Variants in CFAP97D1 observed in about 807,000 individuals in gnomAD.
The protein encoded by CFAP97D1 is CFAP97 domain containing 1, also known as sperm axonemal maintenance protein CFAP97D1.
Under a neutral mutation model 20.5 loss-of-function variants are expected in CFAP97D1, and 15 were observed. The observed-to-expected ratio is 0.73, with a 90% CI of 0.49 to 1.13. CFAP97D1 has a LOEUF of 1.13. CFAP97D1 is among the 50% of genes most tolerant of loss of function. CFAP97D1 has a pLI of 0.00. For synonymous variants in CFAP97D1, 58 were observed against 71.2 expected (o/e 0.82, Z 0.93); for missense variants, 168 against 202.9 (o/e 0.83, Z 1.04).
At chr17:43,784,283 C>T (rs2044276363) in intron 5 of CFAP97D1, 100 bp from the exon 6 acceptor site, 1 of 166,040 alleles carries the variant, frequency 6.0e-6, no homozygotes, top group Non-Finnish European at 1.3e-5. Flanking sequence ...TAAGTGGTTT[C>T]CCCCACCCAA....
chr17:43,783,261 C>T lies in CFAP97D1; in HGVS notation c.396C>T (p.Arg132=). The T allele has an allele frequency of 6.4e-7, 1 of 1,551,372 alleles. No homozygotes were observed. The highest frequency in any genetic ancestry group is 8.7e-7 in the Non-Finnish European group (1 of 1,146,838). ...GCATTCTGAAGAGGCTTGTTGATCGCAAACCCCACTATGACCGCAGGGCAT... is the reference window on the plus strand; with the variant it reads ...GCATTCTGAAGAGGCTTGTTGATCGTAAACCCCACTATGACCGCAGGGCAT... The part of the protein sequence containing the change: ...NQGILKRLVD[R]KPHYDRRASE... The change falls in exon 4 of 6, where the codon CGC becomes CGT. Residue 132 remains arginine, a synonymous_variant. Coordinates refer to ENST00000449302, the MANE Select transcript of CFAP97D1 (RefSeq NM_001136483.3).
rs1041610629 is a variant in CFAP97D1 at position 43,785,943 on chromosome 17, G to C, written c.*1561G>C. The C allele has an allele frequency of 1.3e-5, 2 of 152,134 alleles. No homozygotes were observed. The highest frequency in any genetic ancestry group is 4.8e-5 in the African/African-American group (2 of 41,380). The allele number at this position is 152,134 out of a possible 1,614,324, so 9.4% of individuals were successfully genotyped here. ...CAAGGCCTGCCTCCCACCTCACTGG[G>C]ATGCTGGTAGCATGGCTTGGTCCAA... is the stretch of plus-strand genomic sequence containing the variant. On this transcript the variant is annotated 3_prime_UTR_variant, in exon 6 of 6. Coordinates refer to ENST00000449302, the MANE Select transcript of CFAP97D1 (RefSeq NM_001136483.3).
chr17:43,784,097 G>C (rs538394349), intron 5 of CFAP97D1, among the ~76,000 whole-genome samples: 1 of 152,242 alleles, frequency 6.6e-6, no homozygotes, highest in South Asian at 2.1e-4. Flanking sequence ...ATTGTCTTTT[G>C]TCATCATCTT....
chr17:43,783,135 T>A, intron 3 of CFAP97D1, 45 bp from the exon 4 acceptor site: 2 of 1,551,150 alleles, frequency 1.3e-6, no homozygotes, highest in Non-Finnish European at 1.7e-6. Flanking sequence ...CTCGTCAAGA[T>A]GAGCATTTCC....
intron 3 of CFAP97D1, 107 bp from the exon 4 acceptor site, chr17:43,783,072 TC>T (rs1359313245): frequency 3.2e-5 from 44 of 1,387,886 alleles, no homozygotes; most frequent in Non-Finnish European, 4.1e-5. Flanking sequence ...GACAGTTTAC[TC>T]CCTGCACTTA....
Position 43,787,033 on chromosome 17 carries a change from C to G in CFAP97D1, c.*2651C>G, listed in dbSNP as rs2044297303. The G allele has an allele frequency of 6.6e-6, 1 of 152,076 alleles. No individual in the cohort carries two copies. Among genetic ancestry groups the G allele is most frequent in the Non-Finnish European group, 1.5e-5 (1 of 68,026 alleles). 9.4% of individuals were successfully genotyped at this position (152,076 alleles called of 1,614,324 possible). On this transcript the variant is annotated 3_prime_UTR_variant, in exon 6 of 6. Coordinates refer to ENST00000449302, the MANE Select transcript of CFAP97D1 (RefSeq NM_001136483.3). ...CCAGGCTGGAGTGCAGTGGCACGAT[C>G]TTGGCTCACTGCAACCTCCACCTCT... is the stretch of plus-strand genomic sequence containing the variant.
At chr17:43,781,051 T>C in intron 1 of CFAP97D1, 68 bp from the exon 2 acceptor site, 1 of 1,205,960 alleles carries the variant, frequency 8.3e-7, no homozygotes, top group Non-Finnish European at 1.2e-6. Context: ...TGTCTAGTGC[T>C]GGTTTTCTGA....
chr17:43,780,745 A>G (rs553375966), intron 1 of CFAP97D1, among the ~76,000 whole-genome samples, 159 bp downstream of exon 1: 1 of 152,308 alleles, frequency 6.6e-6, no homozygotes, highest in Admixed American at 6.5e-5. Flanking sequence ...AACAAAATGT[A>G]TCTTCCACCA....
chr17:43,783,123 C>G (rs551127843), intron 3 of CFAP97D1, 57 bp from the exon 4 acceptor site: 3 of 1,547,012 alleles, frequency 1.9e-6, no homozygotes, highest in Non-Finnish European at 2.6e-6. Flanking sequence ...TCATCTCCCC[C>G]ACTCGTCAAG....
In CFAP97D1 at chr17:43,781,763, T is replaced by A; in HGVS notation, c.196-11T>A. 1 of 1,522,912 alleles carries A rather than the reference T, an allele frequency of 6.6e-7. No individual in the cohort carries two copies. Among genetic ancestry groups the A allele is most frequent in the African/African-American group, 1.4e-5 (1 of 72,552 alleles). 94.3% of individuals were successfully genotyped at this position (1,522,912 alleles called of 1,614,324 possible). A position where few individuals can be genotyped will look rare whatever the true frequency, so the allele number is the denominator to read the frequency against. ...ATGGTGTCACCATGGTGAGGTGTGGTTTCTTACCAGGGTGAACAAAAGAAA... is the reference window on the plus strand; with the variant it reads ...ATGGTGTCACCATGGTGAGGTGTGGATTCTTACCAGGGTGAACAAAAGAAA... On this transcript the variant is annotated splice_polypyrimidine_tract_variant and intron_variant, in intron 2 of 5. Transcript: ENST00000449302.
chr17:43,781,534 G>T (rs1974473731), intron 2 of CFAP97D1, among the ~76,000 whole-genome samples: 1 of 152,182 alleles, frequency 6.6e-6, no homozygotes, highest in Admixed American at 6.5e-5. Context: ...GGTTCACCAT[G>T]TTGGCCAGGA....
At chr17:43,783,799 G>A (rs1301188664) in intron 4 of CFAP97D1, 38 bp from the exon 5 acceptor site, 40 of 1,450,624 alleles carry the variant, frequency 2.8e-5, no homozygotes, top group Admixed American at 3.9e-5. Flanking sequence ...TAGCACCAAT[G>A]CCCTGGCATT....
chr17:43,782,640 G>T (rs117472867), intron 3 of CFAP97D1, among the ~76,000 whole-genome samples: 1 of 152,146 alleles, frequency 6.6e-6, no homozygotes, highest in African/African-American at 2.4e-5. Flanking sequence ...TTGTAGGGGA[G>T]ATATTTATGG....
At chr17:43,781,340 G>A (rs1367235356) in intron 2 of CFAP97D1, among the ~76,000 whole-genome samples, 151 bp downstream of exon 2, 2 of 148,398 alleles carry the variant, frequency 1.3e-5, no homozygotes, top group South Asian at 2.1e-4. Flanking sequence ...ACCCCCAGTC[G>A]TTTTTTTCCC....
chr17:43,780,666 A>G, intron 1 of CFAP97D1, 80 bp downstream of exon 1: 1 of 1,477,934 alleles, frequency 6.8e-7, no homozygotes, highest in Admixed American at 2.0e-5. Flanking sequence ...AGGAAACCAG[A>G]CCAGGTCACA....
chr17:43,781,921 T>G (rs565435513), intron 3 of CFAP97D1, 29 bp downstream of exon 3: 68 of 1,454,698 alleles, frequency 4.7e-5, no homozygotes, highest in Non-Finnish European at 6.2e-5. Flanking sequence ...ATTTCAGTTT[T>G]GAAAAGTCAA....
intron 1 of CFAP97D1, 121 bp from the exon 2 acceptor site, chr17:43,780,998 G>C: frequency 1.4e-6 from 1 of 698,022 alleles, no homozygotes; most frequent in Non-Finnish European, 2.4e-6. Flanking sequence ...TTCTTGAGTC[G>C]CATTAAGGTC....
intron 2 of CFAP97D1, 67 bp from the exon 3 acceptor site, chr17:43,781,707 C>G: frequency 9.7e-7 from 1 of 1,026,290 alleles, no homozygotes; most frequent in Non-Finnish European, 1.5e-6. Flanking sequence ...GAGGGGAACA[C>G]TAAGTCATTG....
chr17:43,782,189 T>C (rs544939146), intron 3 of CFAP97D1, among the ~76,000 whole-genome samples: 1 of 152,232 alleles, frequency 6.6e-6, no homozygotes, highest in African/African-American at 2.4e-5. Flanking sequence ...TAGGGCGCTA[T>C]AGCAAATTGC....
Sources: gnomAD v4.1 joint callset for allele counts (sites outside exome capture counted in the v4.1 genomes callset) on GRCh38, gnomAD v4.1.1 for gene constraint, MANE v1.5 for transcripts, NCBI Gene and HGNC (gene_info 2026-07-23, HGNC 2026-07-21) for gene names.